GALNT1: variants seen among roughly 807,000 people sequenced by gnomAD.
GALNT1 encodes GalNAc transferase 1.
A neutral mutation model predicts 65.7 loss-of-function variants in GALNT1; 17 were observed. The observed-to-expected ratio is 0.26, with a 90% CI of 0.18 to 0.39. GALNT1 has a LOEUF of 0.39. GALNT1 is among the 10% of genes least tolerant of loss of function. The probability of loss-of-function intolerance (pLI) is 1.00; values close to 1 mark genes in which losing one functional copy is unlikely to be tolerated. For synonymous variants in GALNT1, 210 were observed against 219.7 expected, an observed-to-expected ratio of 0.96 and a Z score of 0.39; for missense variants, 460 against 672.8, an observed-to-expected ratio of 0.68 and a Z score of 3.50.
Position 35,697,992 on chromosome 18 carries a change from C to T in GALNT1, c.1300-4905C>T, listed in dbSNP as rs3786391. Among the ~76,000 whole-genome samples the T allele has an allele frequency of 0.026, 3,943 of 152,256 alleles. 405 individuals carry two copies. The East Asian group carries it at 0.35, about 13-fold the overall frequency. Reference sequence around the variant, plus strand: ...TTACACTGTTTCAGAAAGTACAAACCAAACTTGGGCACTTTCCACGTGACT... The same window carrying T: ...TTACACTGTTTCAGAAAGTACAAACTAAACTTGGGCACTTTCCACGTGACT... On this transcript the variant is annotated intron_variant, in intron 9 of 11. Coordinates refer to ENST00000269195, the MANE Select transcript of GALNT1 (RefSeq NM_020474.4).
In GALNT1 at chr18:35,692,256, C is replaced by T. The variant is rs755906540; in HGVS notation, c.1235C>T (p.Ser412Phe). ...CACAAACTACAATGCAAACCTTTTTCCTGGTACCTAGAGAATATATATCCT... is the reference window on the plus strand; with the variant it reads ...CACAAACTACAATGCAAACCTTTTTTCTGGTACCTAGAGAATATATATCCT... ...LRHKLQCKPF[S>F]WYLENIYPDS... Residue 412 changes from serine to phenylalanine, a missense_variant, in exon 9 of 12, where the codon TCC becomes TTC. Coordinates refer to ENST00000269195, the MANE Select transcript of GALNT1 (RefSeq NM_020474.4). The T allele has an allele frequency of 3.1e-6, 5 of 1,606,370 alleles. No homozygotes were observed. In the South Asian group the frequency reaches 4.4e-5, roughly 14 times the overall value.
At chr18:35,590,037 A>G (rs1042099766) in intron 1 of GALNT1, among the ~76,000 whole-genome samples, 4 of 152,080 alleles carry the variant, frequency 2.6e-5, no homozygotes, top group African/African-American at 7.2e-5. Flanking sequence ...CTGGAGTGTT[A>G]CTGCTTGATT....
At chr18:35,649,183 G>A (rs376535615) in intron 1 of GALNT1, among the ~76,000 whole-genome samples, 8 of 152,186 alleles carry the variant, frequency 5.3e-5, no homozygotes, top group South Asian at 2.1e-4. Context: ...CACTGGCACC[G>A]TATTAGAGTT....
chr18:35,702,754 A>T, intron 9 of GALNT1, 143 bp from the exon 10 acceptor site: 1 of 453,172 alleles, frequency 2.2e-6, no homozygotes, highest in Non-Finnish European at 4.0e-6. Context: ...AATTTTAGAT[A>T]CTCAGACAGC....
intron 1 of GALNT1, among the ~76,000 whole-genome samples, chr18:35,595,633 T>A (rs1453414434): frequency 6.6e-6 from 1 of 152,206 alleles, no homozygotes; most frequent in Non-Finnish European, 1.5e-5. Flanking sequence ...TAACATGTTT[T>A]TGCATAAAAA....
chr18:35,587,973 G>A (rs1598778017), intron 1 of GALNT1, among the ~76,000 whole-genome samples: 1 of 152,160 alleles, frequency 6.6e-6, no homozygotes, highest in South Asian at 2.1e-4. Flanking sequence ...TTCTGTTTTC[G>A]GTTTCTAGTT....
At chr18:35,632,707 C>A (rs367613921) in intron 1 of GALNT1, among the ~76,000 whole-genome samples, 91 of 152,076 alleles carry the variant, frequency 6.0e-4, no homozygotes, top group Admixed American at 1.0e-3. Flanking sequence ...AATGGGATCT[C>A]ATTAAACTAA....
chr18:35,627,254 C>A (rs76921006), intron 1 of GALNT1, among the ~76,000 whole-genome samples: 2,082 of 152,232 alleles, frequency 0.014, 42 homozygotes, highest in African/African-American at 0.046. Flanking sequence ...TAGACATTAA[C>A]GGAACACATT....
intron 1 of GALNT1, among the ~76,000 whole-genome samples, chr18:35,651,704 A>C (rs761909964): frequency 6.6e-6 from 1 of 152,240 alleles, no homozygotes; most frequent in Non-Finnish European, 1.5e-5. Context: ...AAAGTTGCTT[A>C]GTAAGTGGAG....
Position 35,687,713 on chromosome 18 carries a change from T to C in GALNT1, c.860+527T>C, listed in dbSNP as rs529048939. On this transcript the variant is annotated intron_variant, in intron 6 of 11. Coordinates refer to ENST00000269195, the MANE Select transcript of GALNT1 (RefSeq NM_020474.4). ...AATCCATTTATTCTCTGATTTTTTT[T>C]CTCTACTTGGTCATATATAGATTTT... is the stretch of plus-strand genomic sequence containing the variant. Among the ~76,000 whole-genome samples, 163 of 152,280 alleles carry C rather than the reference T, an allele frequency of 1.1e-3. 2 individuals are homozygous for C. The highest frequency in any genetic ancestry group is 3.7e-3 in the African/African-American group (154 of 41,560).
chr18:35,700,287 C>T (rs1181764896), intron 9 of GALNT1, among the ~76,000 whole-genome samples: 1 of 152,234 alleles, frequency 6.6e-6, no homozygotes, highest in African/African-American at 2.4e-5. Context: ...ACAGAATCCT[C>T]TGTCCTCTAA....
chr18:35,639,469 G>A (rs2047134200), intron 1 of GALNT1, among the ~76,000 whole-genome samples: 1 of 152,136 alleles, frequency 6.6e-6, no homozygotes, highest in African/African-American at 2.4e-5. Flanking sequence ...TATTTGTACT[G>A]GGAATCCAAA....
At chr18:35,631,813 G>T (rs10952046) in intron 1 of GALNT1, among the ~76,000 whole-genome samples, 12,620 of 152,172 alleles carry the variant, frequency 0.083, 651 homozygotes, top group Admixed American at 0.17. Flanking sequence ...AAACCCCATC[G>T]TCTCAGCCCA....
chr18:35,600,373 G>A (rs898944689), intron 1 of GALNT1, among the ~76,000 whole-genome samples: 2 of 152,140 alleles, frequency 1.3e-5, no homozygotes, highest in African/African-American at 4.8e-5. Context: ...TGTTGATTGT[G>A]TATTCTGCAA....
intron 1 of GALNT1, among the ~76,000 whole-genome samples, chr18:35,622,493 A>G (rs1454887954): frequency 6.7e-6 from 1 of 149,358 alleles, no homozygotes; most frequent in Admixed American, 6.7e-5. Context: ...TTCAAATAAT[A>G]CTCTTTGCCT....
At chr18:35,590,753 C>T (rs2046433581) in intron 1 of GALNT1, among the ~76,000 whole-genome samples, 1 of 152,122 alleles carries the variant, frequency 6.6e-6, no homozygotes, top group East Asian at 1.9e-4. Flanking sequence ...AAACACTTTA[C>T]TAACATTTAC....
chr18:35,686,021 G>A (rs2047862074), intron 5 of GALNT1, among the ~76,000 whole-genome samples: 2 of 152,160 alleles, frequency 1.3e-5, no homozygotes, highest in South Asian at 4.1e-4. Context: ...TGAGCCAAGA[G>A]TGCACCATTG....
At chr18:35,653,713 C>G (rs2047339687) in intron 1 of GALNT1, among the ~76,000 whole-genome samples, 1 of 152,202 alleles carries the variant, frequency 6.6e-6, no homozygotes, top group South Asian at 2.1e-4. Context: ...CACCTATGCT[C>G]AAACTATCCC....
intron 1 of GALNT1, among the ~76,000 whole-genome samples, chr18:35,590,104 C>T (rs1383570867): frequency 6.6e-6 from 1 of 152,116 alleles, no homozygotes. Context: ...CTGCTGTTTT[C>T]CATGGATTTT....
Sources: allele counts gnomAD v4.1 joint callset (sites outside exome capture counted in the v4.1 genomes callset), GRCh38; gene constraint gnomAD v4.1.1; transcripts MANE v1.5; gene names NCBI Gene and HGNC (gene_info 2026-07-23, HGNC 2026-07-21).